The following N4BP2 variants were observed in gnomAD, a reference collection of about 807,000 sequenced individuals.
The protein encoded by N4BP2 is NEDD4 binding protein 2.
Under a neutral mutation model 152.8 loss-of-function variants are expected in N4BP2, and 91 were observed. That is an observed-to-expected ratio of 0.60 (90% CI 0.50 to 0.71). The LOEUF (loss-of-function observed/expected upper bound fraction) is 0.71, where lower values mean the gene tolerates loss of function less well. Among genes scored for constraint, N4BP2 ranks in the 30% least tolerant of loss-of-function variants. The pLI is 0.00. For missense variants in N4BP2, 1,923 were observed against 2,059.1 expected (o/e 0.93, Z 1.28); for synonymous variants, 646 against 705.3 (o/e 0.92, Z 1.33).
At chr4:40,152,952 TTTATCA>T (rs1402411294) in intron 17 of N4BP2, 49 bp downstream of exon 17, 26 of 1,580,928 alleles carry the variant, frequency 1.6e-5, no homozygotes, top group Non-Finnish European at 2.3e-5. Flanking sequence ...CATATAGATC[TTTATCA>T]GATATTTCTG....
chr4:40,186,959 T>G, the N4BP2 span, among the ~76,000 whole-genome samples: 35,579 of 152,126 alleles, frequency 0.23, 4,219 homozygotes, highest in Non-Finnish European at 0.25. Context: ...AAATAAGTAC[T>G]CATTTTCACA....
chr4:40,124,122 C>T, intron 10 of N4BP2, 38 bp from the exon 11 acceptor site: 2 of 1,561,924 alleles, frequency 1.3e-6, no homozygotes, highest in Admixed American at 3.3e-5. Flanking sequence ...CTAATGCACT[C>T]CCTGTTTGCC....
intron 8 of N4BP2, among the ~76,000 whole-genome samples, chr4:40,118,802 A>G (rs376968913): frequency 7.2e-5 from 11 of 152,224 alleles, no homozygotes; most frequent in African/African-American, 2.7e-4. Flanking sequence ...CCTTCTGACA[A>G]TTTGCAATCC....
the N4BP2 span, among the ~76,000 whole-genome samples, chr4:40,187,395 G>A: frequency 3.9e-5 from 6 of 152,182 alleles, no homozygotes; most frequent in Non-Finnish European, 7.3e-5. Context: ...AAACGACACT[G>A]GTCATTTACT....
chr4:40,087,606 TGCCCACCTTG>T (rs1352382187), intron 2 of N4BP2, among the ~76,000 whole-genome samples: 1 of 152,042 alleles, frequency 6.6e-6, no homozygotes, highest in Non-Finnish European at 1.5e-5. Flanking sequence ...TCAAATGATC[TGCCCACCTTG>T]GCCTCCTGAA....
In N4BP2 at chr4:40,119,925, C is replaced by T; in HGVS notation, c.1821-7C>T. 7.7e-7 allele frequency: 1 copy of T among 1,293,794 alleles called. No homozygotes were observed. The allele number at this position is 1,293,794 out of a possible 1,614,324, so 80.1% of individuals were successfully genotyped here. A position where few individuals can be genotyped will look rare whatever the true frequency, so the allele number is the denominator to read the frequency against. ...TTCTCATGATACTCTTTAAAATAATCTTACAGCCCAAGAGACGATGAAGAT... is the reference window on the plus strand; with the variant it reads ...TTCTCATGATACTCTTTAAAATAATTTTACAGCCCAAGAGACGATGAAGAT... On this transcript the variant is annotated splice_region_variant and splice_polypyrimidine_tract_variant and intron_variant, in intron 8 of 17. Coordinates refer to ENST00000261435, the MANE Select transcript of N4BP2 (RefSeq NM_018177.6).
chr4:40,175,407 T>TAGGA, the N4BP2 span, among the ~76,000 whole-genome samples: 1 of 136,612 alleles, frequency 7.3e-6, no homozygotes, highest in African/African-American at 2.8e-5. Context: ...GGGTGGGAGG[T>TAGGA]AGGAAGTAGG....
chr4:40,128,866 ACT>A (rs1403297089), intron 12 of N4BP2, among the ~76,000 whole-genome samples: 1 of 151,840 alleles, frequency 6.6e-6, no homozygotes, highest in African/African-American at 2.4e-5. Flanking sequence ...AAATAAGGAA[ACT>A]CTAACACTTA....
intron 1 of N4BP2, among the ~76,000 whole-genome samples, chr4:40,062,758 T>C (rs1459912539): frequency 1.3e-5 from 2 of 152,186 alleles, no homozygotes; most frequent in African/African-American, 4.8e-5. Flanking sequence ...CCTTTCCTAG[T>C]TTGTTCCTTA....
intron 2 of N4BP2, among the ~76,000 whole-genome samples, chr4:40,083,606 C>T (rs530340586): frequency 3.3e-5 from 5 of 152,254 alleles, no homozygotes; most frequent in African/African-American, 1.2e-4. Flanking sequence ...ATACAATTCT[C>T]TTCATATAAA....
chr4:40,138,682 T>G (rs1442510216), intron 14 of N4BP2, among the ~76,000 whole-genome samples: 5 of 152,264 alleles, frequency 3.3e-5, no homozygotes, highest in Non-Finnish European at 7.3e-5. Context: ...TTGAATTTTC[T>G]TGGCACTCTT....
Position 40,106,993 on chromosome 4 carries a change from A to G in N4BP2, c.1467A>G (p.Leu489=). The part of the protein sequence containing the change: ...NGQYQFDVKY[L]GEAHEWNQNR... Reference sequence around the variant, plus strand: ...AGTACCAGTTTGATGTAAAGTACTTAGGAGAAGCACATGAATGGAACCAGA... The same window carrying G: ...AGTACCAGTTTGATGTAAAGTACTTGGGAGAAGCACATGAATGGAACCAGA... The change falls in exon 5 of 18, where the codon TTA becomes TTG. Residue 489 remains leucine, a synonymous_variant. Coordinates refer to ENST00000261435, the MANE Select transcript of N4BP2 (RefSeq NM_018177.6). 6.2e-7 allele frequency: 1 copy of G among 1,613,746 alleles called. No individual in the cohort carries two copies. The highest frequency in any genetic ancestry group is 8.5e-7 in the Non-Finnish European group (1 of 1,179,726).
chr4:40,166,987 T>C, the N4BP2 span: 1 of 152,240 alleles, frequency 6.6e-6, no homozygotes, highest in Non-Finnish European at 1.5e-5. Context: ...CACTTTTACA[T>C]TTTGAAACAT....
intron 14 of N4BP2, chr4:40,142,388 C>G: frequency 3.2e-6 from 1 of 316,354 alleles, no homozygotes; most frequent in South Asian, 3.9e-5. Flanking sequence ...CTCGCCTCTT[C>G]CAACTCGGAG....
At chr4:40,171,307 A>G in the N4BP2 span, among the ~76,000 whole-genome samples, 1 of 152,146 alleles carries the variant, frequency 6.6e-6, no homozygotes, top group Non-Finnish European at 1.5e-5. Flanking sequence ...AAGGCTGCCA[A>G]TACCACTGGC....
Position 40,144,816 on chromosome 4 carries a change from T to C in N4BP2, c.5143+16T>C. ...AAGACTGAAGGTAGGACTGTGGTAA[T>C]CACAAGTTTTCAATAGAATATATGT... is the stretch of plus-strand genomic sequence containing the variant. On this transcript the variant is annotated intron_variant, in intron 16 of 17. Coordinates refer to ENST00000261435, the MANE Select transcript of N4BP2 (RefSeq NM_018177.6). 1 of 1,581,754 alleles carries C rather than the reference T, an allele frequency of 6.3e-7. No individual in the cohort carries two copies. The highest frequency in any genetic ancestry group is 1.7e-4 in the Middle Eastern group (1 of 5,924).
At chr4:40,087,046 G>T (rs1444842464) in intron 2 of N4BP2, among the ~76,000 whole-genome samples, 1 of 152,086 alleles carries the variant, frequency 6.6e-6, no homozygotes, top group East Asian at 1.9e-4. Context: ...ATCGTGCCTG[G>T]TGTAATTACA....
In N4BP2 at chr4:40,155,390, C is replaced by CCG. The variant is rs972206569; in HGVS notation, c.*1154_*1155dup. On this transcript the variant is annotated 3_prime_UTR_variant, in exon 18 of 18. Coordinates refer to ENST00000261435, the MANE Select transcript of N4BP2 (RefSeq NM_018177.6). The stretch of plus-strand genomic sequence containing the variant: ...TCAGCCTGGGTGACAGAGCAAGACT[C>CCG]CGTCTCCAAAAAAAAAAAAGAAAAA... 6.7e-6 allele frequency: 1 copy of CCG among 149,874 alleles called. No homozygotes were observed. The highest frequency in any genetic ancestry group is 2.5e-5 in the African/African-American group (1 of 40,716). 9.3% of individuals were successfully genotyped at this position (149,874 alleles called of 1,614,324 possible).
chr4:40,106,793 C>CA, intron 4 of N4BP2, 107 bp from the exon 5 acceptor site: 3 of 1,092,308 alleles, frequency 2.7e-6, no homozygotes, highest in Non-Finnish European at 3.9e-6. Flanking sequence ...AAGTGATCCA[C>CA]AAAATGATAG....
Sources: gnomAD v4.1 joint callset for allele counts (sites outside exome capture counted in the v4.1 genomes callset) on GRCh38, gnomAD v4.1.1 for gene constraint, MANE v1.5 for transcripts, NCBI Gene and HGNC (gene_info 2026-07-23, HGNC 2026-07-21) for gene names.